Variants in ADGRB3 observed in about 807,000 individuals in gnomAD.
ADGRB3 encodes adhesion G protein-coupled receptor B3.
A neutral mutation model predicts 193.4 loss-of-function variants in ADGRB3; 37 were observed. The ratio of observed to expected loss-of-function variants is 0.19; its 90% CI spans 0.15 to 0.25. The LOEUF (loss-of-function observed/expected upper bound fraction) is 0.25. Ranked by LOEUF, ADGRB3 falls within the 10% of genes least tolerant of loss-of-function variation. ADGRB3 has a pLI of 1.00. For missense variants in ADGRB3, 1,637 were observed against 1,852.9 expected (o/e 0.88, Z 2.14); for synonymous variants, 690 against 644.2 (o/e 1.07, Z -1.08).
At chr6:68,991,016 C>G (rs376861746) in intron 10 of ADGRB3, among the ~76,000 whole-genome samples, 24 of 152,062 alleles carry the variant, frequency 1.6e-4, no homozygotes, top group African/African-American at 5.8e-4. Context: ...CTGAGACACC[C>G]CTGTGCCTAA....
chr6:68,756,128 T>A (rs1400910962), intron 3 of ADGRB3, among the ~76,000 whole-genome samples: 1 of 152,090 alleles, frequency 6.6e-6, no homozygotes, highest in African/African-American at 2.4e-5. Flanking sequence ...CTAACTCGGC[T>A]GTGGGAAATT....
At chr6:68,682,394 G>C (rs550260053) in intron 3 of ADGRB3, among the ~76,000 whole-genome samples, 1 of 152,014 alleles carries the variant, frequency 6.6e-6, no homozygotes, top group Admixed American at 6.6e-5. Flanking sequence ...GGTTGAAATC[G>C]AACCAAAGAA....
At chr6:69,348,239 G>A (rs1769148744) in intron 26 of ADGRB3, among the ~76,000 whole-genome samples, 1 of 152,128 alleles carries the variant, frequency 6.6e-6, no homozygotes, top group Non-Finnish European at 1.5e-5. Flanking sequence ...TGTCATGCCT[G>A]CCGTTAACAT....
chr6:69,009,782 T>C (rs1769879076), intron 11 of ADGRB3, among the ~76,000 whole-genome samples: 2 of 152,128 alleles, frequency 1.3e-5, no homozygotes, highest in Admixed American at 1.3e-4. Context: ...TCTTTGTCCC[T>C]TGATGTCCAA....
chr6:68,699,901 G>A (rs1765214050), intron 3 of ADGRB3, among the ~76,000 whole-genome samples: 1 of 152,048 alleles, frequency 6.6e-6, no homozygotes, highest in Non-Finnish European at 1.5e-5. Context: ...CGTCCACACT[G>A]ATATTTCTCA....
At chr6:68,961,895 T>C (rs1047027564) in intron 8 of ADGRB3, among the ~76,000 whole-genome samples, 24 of 152,200 alleles carry the variant, frequency 1.6e-4, no homozygotes, top group African/African-American at 5.5e-4. Context: ...TTGGAATTTA[T>C]ATTATTTTCT....
At chr6:69,384,293 G>A (rs931970603) in intron 31 of ADGRB3, among the ~76,000 whole-genome samples, 2 of 151,906 alleles carry the variant, frequency 1.3e-5, no homozygotes, top group African/African-American at 4.8e-5. Context: ...TCAAATGCTA[G>A]GCATATAGAA....
intron 3 of ADGRB3, among the ~76,000 whole-genome samples, chr6:68,737,672 T>C (rs532605487): frequency 6.6e-6 from 1 of 152,234 alleles, no homozygotes; most frequent in South Asian, 2.1e-4. Context: ...CAAACATAAA[T>C]TGTCCATGTT....
chr6:69,105,387 G>A (rs977305529), intron 17 of ADGRB3, among the ~76,000 whole-genome samples: 1 of 152,112 alleles, frequency 6.6e-6, no homozygotes, highest in Non-Finnish European at 1.5e-5. Context: ...CTCCTCCTGG[G>A]CATGGAAATT....
At chr6:69,107,916 C>T (rs184937560) in intron 17 of ADGRB3, among the ~76,000 whole-genome samples, 1 of 151,900 alleles carries the variant, frequency 6.6e-6, no homozygotes. Context: ...AGGGGGCAAG[C>T]GTTGAAAAAC....
At chr6:69,211,971 A>T (rs1765677127) in intron 17 of ADGRB3, among the ~76,000 whole-genome samples, 1 of 152,216 alleles carries the variant, frequency 6.6e-6, no homozygotes, top group South Asian at 2.1e-4. Context: ...AAATGTACAG[A>T]GAGATAAGCT....
In ADGRB3 at chr6:69,389,092, C is replaced by A. The variant is rs922640201; in HGVS notation, c.*201C>A. 3 of 466,862 alleles carry A rather than the reference C, an allele frequency of 6.4e-6. No homozygotes were observed. Among genetic ancestry groups the A allele is most frequent in the East Asian group, 3.4e-5 (1 of 29,372 alleles). The allele number at this position is 466,862 out of a possible 1,614,324, so 28.9% of individuals were successfully genotyped here. A position where few individuals can be genotyped will look rare whatever the true frequency, so the allele number is the denominator to read the frequency against. On this transcript the variant is annotated 3_prime_UTR_variant, in exon 32 of 32. Transcript: ENST00000370598. The stretch of plus-strand genomic sequence containing the variant: ...TGACCAGGTGTACAGTTCTGACCAT[C>A]CTGTGTTGTAAGTACCCGTGGAATG...
intron 3 of ADGRB3, among the ~76,000 whole-genome samples, chr6:68,912,637 C>G (rs543121865): frequency 6.6e-6 from 1 of 151,980 alleles, no homozygotes; most frequent in Non-Finnish European, 1.5e-5. Flanking sequence ...TTTGTCCTTG[C>G]GATAGTTTAC....
chr6:68,918,262 G>A (rs1766937298), intron 3 of ADGRB3, among the ~76,000 whole-genome samples: 1 of 152,076 alleles, frequency 6.6e-6, no homozygotes, highest in Non-Finnish European at 1.5e-5. Context: ...GATGGAATAG[G>A]GAATAATTTG....
At chr6:68,744,451 A>C (rs144086817) in intron 3 of ADGRB3, among the ~76,000 whole-genome samples, 3,393 of 152,252 alleles carry the variant, frequency 0.022, 63 homozygotes, top group South Asian at 0.074. Context: ...TGTTTATTGC[A>C]GCACTATTTA....
intron 3 of ADGRB3, among the ~76,000 whole-genome samples, chr6:68,827,398 A>G (rs1333054188): frequency 2.0e-5 from 3 of 152,086 alleles, no homozygotes; most frequent in African/African-American, 7.2e-5. Context: ...ATAATAAATG[A>G]GCAATGGGGC....
In ADGRB3 at chr6:69,062,986, C is replaced by T; in HGVS notation, c.2386C>T (p.Pro796Ser). Residue 796 changes from proline (P) to serine (S), a missense_variant, in exon 16 of 32, where the codon CCC becomes TCC. Physicochemically the swap from Pro to Ser is moderately conservative, Grantham distance 74. This residue lies in a region of ADGRB3 where 641 missense variants were observed against 673.9 expected (regional missense o/e 0.95). Coordinates refer to ENST00000370598, the MANE Select transcript of ADGRB3 (RefSeq NM_001704.3). ...CATCGTGGTCACAATAAGGCCTGAA[C>T]CCAAAACAACCGATTCGTTTCTGGA... ...KIIVVTIRPE[P>S]KTTDSFLEIE... 6.2e-7 allele frequency: 1 copy of T among 1,612,268 alleles called. No individual in the cohort carries two copies. Among genetic ancestry groups the T allele is most frequent in the South Asian group, 1.1e-5 (1 of 91,014 alleles).
chr6:68,776,851 C>T (rs1766757336), intron 3 of ADGRB3, among the ~76,000 whole-genome samples: 1 of 151,948 alleles, frequency 6.6e-6, no homozygotes, highest in Non-Finnish European at 1.5e-5. Context: ...ATGAAATAAT[C>T]AAAAAGGAAT....
chr6:68,757,180 G>T (rs940569238), intron 3 of ADGRB3, among the ~76,000 whole-genome samples: 2 of 151,950 alleles, frequency 1.3e-5, no homozygotes, highest in East Asian at 1.9e-4. Context: ...TCCTTTCTGA[G>T]CATAAGCTTT....
Sources: gnomAD v4.1 joint callset for allele counts (sites outside exome capture counted in the v4.1 genomes callset) on GRCh38, gnomAD v4.1.1 for gene constraint, gnomAD v4.1.1 regional missense constraint, MANE v1.5 for transcripts, NCBI Gene and HGNC (gene_info 2026-07-23, HGNC 2026-07-21) for gene names.